Variants in NCAM2 observed in about 807,000 individuals in gnomAD.
NCAM2 encodes the protein neural cell adhesion molecule 2, also known as N-CAM-2.
Under a neutral mutation model 98.1 loss-of-function variants are expected in NCAM2, and 30 were observed. The observed-to-expected ratio is 0.31, with a 90% CI of 0.23 to 0.41. NCAM2 has a LOEUF of 0.41. NCAM2 is among the 10% of genes least tolerant of loss of function. The pLI is 1.00. For synonymous variants in NCAM2, 368 were observed against 342.4 expected, an observed-to-expected ratio of 1.07 and a Z score of -0.83; for missense variants, 867 against 1,005.8, an observed-to-expected ratio of 0.86 and a Z score of 1.87.
chr21:21,396,911 A>T (rs2076521264), intron 9 of NCAM2, among the ~76,000 whole-genome samples: 1 of 152,134 alleles, frequency 6.6e-6, no homozygotes, highest in South Asian at 2.1e-4. Context: ...CAACGTGGCA[A>T]GTAGGGGGCA....
At chr21:21,430,871 C>G (rs547848608) in intron 11 of NCAM2, among the ~76,000 whole-genome samples, 4 of 151,668 alleles carry the variant, frequency 2.6e-5, no homozygotes, top group East Asian at 3.9e-4. Context: ...CATGGTGAAA[C>G]CCTATCTCTA....
At chr21:21,244,825 G>A (rs1461961409) in intron 1 of NCAM2, among the ~76,000 whole-genome samples, 18 of 124,146 alleles carry the variant, frequency 1.4e-4, no homozygotes, top group Admixed American at 8.7e-4. Flanking sequence ...CCTACCTGGG[G>A]ACAGAGTGAG....
chr21:21,136,690 A>G (rs1278430743), intron 1 of NCAM2, among the ~76,000 whole-genome samples: 2 of 122,428 alleles, frequency 1.6e-5, no homozygotes, highest in Admixed American at 7.8e-5. Flanking sequence ...CTGGTCTCGA[A>G]CTCCTGAGCT....
chr21:21,534,489 A>G (rs367970810), intron 16 of NCAM2, 48 bp from the exon 17 acceptor site: 2 of 1,410,826 alleles, frequency 1.4e-6, no homozygotes, highest in Non-Finnish European at 1.9e-6. Context: ...TCCATAATGC[A>G]TCCATTTTTA....
At chr21:21,148,139 C>T (rs2067341922) in intron 1 of NCAM2, among the ~76,000 whole-genome samples, 1 of 152,152 alleles carries the variant, frequency 6.6e-6, no homozygotes, top group Non-Finnish European at 1.5e-5. Flanking sequence ...TTTATTTACT[C>T]AGCACACCAA....
chr21:21,306,502 G>T (rs1273888177), intron 5 of NCAM2, among the ~76,000 whole-genome samples: 2 of 151,906 alleles, frequency 1.3e-5, no homozygotes, highest in African/African-American at 4.8e-5. Context: ...AGCATTTTTT[G>T]CATTAAGGAT....
chr21:21,367,686 A>T (rs1024136903), intron 8 of NCAM2, among the ~76,000 whole-genome samples: 5 of 151,982 alleles, frequency 3.3e-5, no homozygotes, highest in African/African-American at 1.2e-4. Flanking sequence ...TTTATTATGT[A>T]CTTTACAGAT....
chr21:21,456,745 A>AG (rs1982205095), intron 12 of NCAM2, among the ~76,000 whole-genome samples: 1 of 152,150 alleles, frequency 6.6e-6, no homozygotes. Flanking sequence ...TGGGGCTTTG[A>AG]GAGGTATTAA....
Position 21,082,290 on chromosome 21 carries a change from A to AAAAC in NCAM2, c.55+83675_55+83676insCAAA, listed in dbSNP as rs748524450. Among the ~76,000 whole-genome samples, 103 of 149,390 alleles carry AAAAC rather than the reference A, an allele frequency of 6.9e-4. 1 individual carries two copies. The highest frequency in any genetic ancestry group is 9.8e-4 in the African/African-American group (39 of 39,952). On this transcript the variant is annotated intron_variant, in intron 1 of 17. Coordinates refer to ENST00000400546, the MANE Select transcript of NCAM2 (RefSeq NM_004540.5). The stretch of plus-strand genomic sequence containing the variant: ...CTATCAGAGCTCAAAACAAAAAAAA[A>AAAAC]AAAACAAAACAAAAACACCTTATTG...
chr21:21,218,717 C>T (rs749182126), intron 1 of NCAM2, among the ~76,000 whole-genome samples: 73 of 152,266 alleles, frequency 4.8e-4, no homozygotes, highest in Non-Finnish European at 9.1e-4. Context: ...CTAGAACCTT[C>T]AGAAAGGAAC....
chr21:21,164,254 TTTA>T (rs1210036492), intron 1 of NCAM2, among the ~76,000 whole-genome samples: 1 of 152,216 alleles, frequency 6.6e-6, no homozygotes, highest in African/African-American at 2.4e-5. Flanking sequence ...TTTCTGTATT[TTTA>T]TTTGACATTG....
chr21:21,106,314 C>CAAAAAAAACAAAAAAAAAAAAAAA (rs2066345688), intron 1 of NCAM2, among the ~76,000 whole-genome samples: 1 of 103,490 alleles, frequency 9.7e-6, no homozygotes, highest in Non-Finnish European at 1.8e-5. Flanking sequence ...GTCTCAAAAG[C>CAAAAAAAACAAAAAAAAAAAAAAA]AAAAAAAAAA....
At chr21:21,529,007 G>A (rs1989482160) in intron 16 of NCAM2, among the ~76,000 whole-genome samples, 1 of 152,044 alleles carries the variant, frequency 6.6e-6, no homozygotes, top group Non-Finnish European at 1.5e-5. Context: ...TTTTGCTGTT[G>A]TCTATTTGGC....
intron 9 of NCAM2, among the ~76,000 whole-genome samples, chr21:21,384,977 C>G (rs894695474): frequency 6.6e-6 from 1 of 151,852 alleles, no homozygotes; most frequent in African/African-American, 2.4e-5. Flanking sequence ...TTTAGTTACA[C>G]TCCTTTTAAG....
chr21:21,250,507 T>C (rs768770113), intron 1 of NCAM2, among the ~76,000 whole-genome samples: 1 of 152,176 alleles, frequency 6.6e-6, no homozygotes, highest in Non-Finnish European at 1.5e-5. Context: ...ATTATAAATA[T>C]ATGCAACACA....
chr21:21,418,648 C>G (rs2077043009), intron 11 of NCAM2, 79 bp downstream of exon 11: 2 of 1,029,768 alleles, frequency 1.9e-6, no homozygotes, highest in South Asian at 1.3e-5. Context: ...ATAAAGTGGT[C>G]TCATTTACAT....
At chr21:21,122,072 T>C (rs1336493322) in intron 1 of NCAM2, among the ~76,000 whole-genome samples, 1 of 152,202 alleles carries the variant, frequency 6.6e-6, no homozygotes, top group Non-Finnish European at 1.5e-5. Flanking sequence ...ATTAATGTTA[T>C]TACTAGAGGT....
intron 1 of NCAM2, among the ~76,000 whole-genome samples, chr21:21,006,424 A>G (rs2064114428): frequency 6.6e-6 from 1 of 152,120 alleles, no homozygotes; most frequent in African/African-American, 2.4e-5. Context: ...TTAGAAAATC[A>G]CTTGAGTCTG....
At chr21:21,125,422 T>TATGTAATATATAATATTTTA (rs2066775992) in intron 1 of NCAM2, among the ~76,000 whole-genome samples, 1 of 6,142 alleles carries the variant, frequency 1.6e-4, no homozygotes, top group African/African-American at 4.5e-4. Context: ...TTTACATATA[T>TATGTAATATATAATATTTTA]TCATACATAT....
Sources: allele counts gnomAD v4.1 joint callset (sites outside exome capture counted in the v4.1 genomes callset), GRCh38; gene constraint gnomAD v4.1.1; transcripts MANE v1.5; gene names NCBI Gene and HGNC (gene_info 2026-07-23, HGNC 2026-07-21).